AP3B2: variants seen among roughly 807,000 people sequenced by gnomAD.
AP3B2 encodes AP-3 complex subunit beta-2.
In AP3B2, 50 loss-of-function variants were observed where a neutral mutation model predicts 126.9. The observed-to-expected ratio is 0.39, with a 90% CI of 0.31 to 0.50. The LOEUF is 0.50. Ranked by LOEUF, AP3B2 falls within the 20% of genes least tolerant of loss-of-function variation. The probability of loss-of-function intolerance (pLI) is 0.79; values close to 1 mark genes in which losing one functional copy is unlikely to be tolerated. For missense variants in AP3B2, 1,177 were observed against 1,426.4 expected (o/e 0.83, Z 2.82); for synonymous variants, 541 against 565.0 (o/e 0.96, Z 0.60).
At chr15:82,686,267 T>G (rs2048424816) in intron 4 of AP3B2, 1 of 152,234 alleles carries the variant, frequency 6.6e-6, no homozygotes. Context: ...AGTCAGAGGT[T>G]TGATTCCATG....
Position 82,706,116 on chromosome 15 carries a change from G to A in AP3B2, c.113+3478C>T, listed in dbSNP as rs964759915. On this transcript the variant is annotated intron_variant, in intron 1 of 26. Coordinates refer to ENST00000535359, the MANE Select transcript of AP3B2 (RefSeq NM_001278512.2). ...CCTAGCCCTCATGTCTGCGTGCAGC[G>A]GCTGCCGCTGCTTTAATACTTTCAG... Among the ~76,000 whole-genome samples the A allele has an allele frequency of 3.3e-5, 5 of 152,292 alleles. 1 individual carries two copies. The highest frequency in any genetic ancestry group is 4.1e-4 in the South Asian group (2 of 4,826).
chr15:82,663,398 TG>T (rs1378037359), intron 21 of AP3B2, 161 bp downstream of exon 21: 6 of 1,002,596 alleles, frequency 6.0e-6, no homozygotes, highest in Non-Finnish European at 7.7e-6. Flanking sequence ...ACCCCAGACC[TG>T]GGGAGGTCAG....
intron 14 of AP3B2, among the ~76,000 whole-genome samples, chr15:82,667,645 C>T (rs1019514717): frequency 6.6e-6 from 1 of 152,246 alleles, no homozygotes; most frequent in Non-Finnish European, 1.5e-5. Flanking sequence ...ACAGCGGTAG[C>T]AGCCATCACT....
chr15:82,674,657 G>A (rs998242777), intron 14 of AP3B2, among the ~76,000 whole-genome samples: 10 of 152,346 alleles, frequency 6.6e-5, no homozygotes, highest in Admixed American at 1.3e-4. Flanking sequence ...TCCTCAGGAC[G>A]CAGCACAGTA....
intron 14 of AP3B2, among the ~76,000 whole-genome samples, chr15:82,673,792 A>T (rs2048197099): frequency 1.3e-5 from 2 of 152,184 alleles, no homozygotes; most frequent in Admixed American, 6.5e-5. Flanking sequence ...TATTAAAAAA[A>T]GTTTACGTTT....
Position 82,680,578 on chromosome 15 carries a change from T to G in AP3B2, c.949A>C (p.Ser317Arg), listed in dbSNP as rs928342774. 6.3e-7 allele frequency: 1 copy of G among 1,588,554 alleles called. No homozygotes were observed. Among genetic ancestry groups the G allele is most frequent in the African/African-American group, 1.3e-5 (1 of 74,538 alleles). ...RNTKPLLQSRSAAVVMAVAQL... is the reference protein window; with the variant it reads ...RNTKPLLQSRRAAVVMAVAQL... ...GCCACCGCCATCACCACCGCGGCGC[T>G]GCGGCTCTGCAGCAGGGGTTTGGTG... Residue 317 changes from serine (S) to arginine (R), a missense_variant, in exon 8 of 27, where the codon AGC (serine) becomes CGC (arginine). Coordinates refer to ENST00000535359, the MANE Select transcript of AP3B2 (RefSeq NM_001278512.2). This position sits in a 1 kb window ranked among gnomAD's most constrained non-coding sequence, Gnocchi z 6.1.
In AP3B2 at chr15:82,665,315, G is replaced by A; in HGVS notation, c.1972-12C>T. 1 of 1,575,278 alleles carries A rather than the reference G, an allele frequency of 6.3e-7. No individual in the cohort carries two copies. Among genetic ancestry groups the A allele is most frequent in the Non-Finnish European group, 8.6e-7 (1 of 1,168,280 alleles). On this transcript the variant is annotated splice_polypyrimidine_tract_variant and intron_variant, in intron 16 of 26. Coordinates refer to ENST00000535359, the MANE Select transcript of AP3B2 (RefSeq NM_001278512.2). This position sits in a 1 kb window ranked among gnomAD's most constrained non-coding sequence, Gnocchi z 4.4. ...GAGAGATCTTCTTCCTGTGTGTGTG[G>A]GGGAGGGTGTTAGGAGGGCTGGGCC...
chr15:82,683,754 C>A (rs529872551), intron 4 of AP3B2, among the ~76,000 whole-genome samples: 1 of 152,144 alleles, frequency 6.6e-6, no homozygotes, highest in Non-Finnish European at 1.5e-5. Flanking sequence ...TCTAGCCTTA[C>A]GAGATGTATT....
chr15:82,677,203 T>C lies in AP3B2; in HGVS notation c.1488+71A>G. The C allele has an allele frequency of 7.8e-6, 10 of 1,280,424 alleles. No individual in the cohort carries two copies. The East Asian group carries it at 1.4e-4, about 19-fold the overall frequency. 79.3% of individuals were successfully genotyped at this position (1,280,424 alleles called of 1,614,324 possible). ...AGTTACTTTTGATAAGGCTAGCATA[T>C]GTAATTATACAGTCTTGAAATCATG... On this transcript the variant is annotated intron_variant, in intron 13 of 26. Transcript: ENST00000535359.
At position 82,689,372 on chromosome 15, in the gene AP3B2, T is replaced by C. The variant is rs992337429; in HGVS notation, c.189+6A>G. ...CCGGAGGGAGGCCTCCTCCTTCCCC[T>C]CTTACCGCCACAATCCTCTTCATGG... On this transcript the variant is annotated splice_donor_region_variant and intron_variant, in intron 2 of 26. Coordinates refer to ENST00000535359, the MANE Select transcript of AP3B2 (RefSeq NM_001278512.2). The C allele has an allele frequency of 1.1e-5, 18 of 1,613,716 alleles. No individual in the cohort carries two copies. In the Admixed American group the frequency reaches 2.2e-4, roughly 19 times the overall value.
At chr15:82,682,075 T>C (rs2048349476) in intron 4 of AP3B2, among the ~76,000 whole-genome samples, 1 of 119,372 alleles carries the variant, frequency 8.4e-6, no homozygotes, top group East Asian at 2.8e-4. Flanking sequence ...TTTTTTGAGA[T>C]GGAGTCTCGC....
At chr15:82,682,678 G>A (rs2048360596) in intron 4 of AP3B2, among the ~76,000 whole-genome samples, 1 of 150,984 alleles carries the variant, frequency 6.6e-6, no homozygotes, top group South Asian at 2.1e-4. Context: ...ATATGTTCAT[G>A]CCACTGCACT....
chr15:82,683,711 A>G (rs540748400), intron 4 of AP3B2, among the ~76,000 whole-genome samples: 17 of 152,360 alleles, frequency 1.1e-4, no homozygotes, highest in African/African-American at 4.1e-4. Context: ...TACTTTGTCC[A>G]GATCCATGAG....
At chr15:82,660,018 T>C (rs2047911339) in intron 25 of AP3B2, 35 bp from the exon 26 acceptor site, 1 of 1,609,938 alleles carries the variant, frequency 6.2e-7, no homozygotes, top group Admixed American at 1.7e-5. Flanking sequence ...GCAGAGGCCA[T>C]GGTGGGTACA....
At chr15:82,663,425 A>T in intron 21 of AP3B2, 135 bp downstream of exon 21, 1 of 1,136,316 alleles carries the variant, frequency 8.8e-7, no homozygotes, top group South Asian at 1.3e-5. Context: ...CTGCCCTCTC[A>T]GGCCTGAAGA....
Position 82,664,557 on chromosome 15 carries a change from T to C in AP3B2, c.2138-67A>G. The C allele has an allele frequency of 6.4e-7, 1 of 1,553,016 alleles. No individual in the cohort carries two copies. On this transcript the variant is annotated intron_variant, in intron 18 of 26. Transcript: ENST00000535359. This position sits in a 1 kb window ranked among gnomAD's most constrained non-coding sequence, Gnocchi z 4.5. ...CCTCCTTGGGTCTGGAGCAGACACCTGGGTTCCACCTTCACATTCAGTACT... is the reference window on the plus strand; with the variant it reads ...CCTCCTTGGGTCTGGAGCAGACACCCGGGTTCCACCTTCACATTCAGTACT...
rs779224043 is a variant in AP3B2, at chr15:82,662,737, G to A, written c.2790C>T (p.Pro930=). The change falls in exon 23 of 27, where the codon CCC becomes CCT. Residue 930 remains proline (P), a synonymous_variant. Coordinates refer to ENST00000535359, the MANE Select transcript of AP3B2 (RefSeq NM_001278512.2). Reference sequence around the variant, plus strand: ...GGATGCTGATGCCAGCAGGCAGTTTGGGAGTGCCCACATGCAGGCCCTTGA... The same window carrying A: ...GGATGCTGATGCCAGCAGGCAGTTTAGGAGTGCCCACATGCAGGCCCTTGA... ...TPIKGLHVGT[P]KLPAGISIQE... The A allele has an allele frequency of 2.5e-6, 4 of 1,613,836 alleles. No individual in the cohort carries two copies. The highest frequency in any genetic ancestry group is 3.4e-6 in the Non-Finnish European group (4 of 1,179,832).
chr15:82,682,865 T>G (rs1429054588), intron 4 of AP3B2, among the ~76,000 whole-genome samples: 1 of 151,836 alleles, frequency 6.6e-6, no homozygotes, highest in African/African-American at 2.4e-5. Context: ...GGTAGGAGGA[T>G]TGCTTGAGCC....
chr15:82,666,625 G>A, intron 15 of AP3B2, 122 bp downstream of exon 15: 11 of 1,084,358 alleles, frequency 1.0e-5, no homozygotes, highest in South Asian at 1.7e-5. Context: ...AGTGAGCCAG[G>A]GAGCAGGACT....
Sources: gnomAD v4.1 joint callset for allele counts (sites outside exome capture counted in the v4.1 genomes callset) on GRCh38, gnomAD v4.1.1 for gene constraint, Gnocchi (gnomAD v3.1) non-coding constraint, MANE v1.5 for transcripts, NCBI Gene and HGNC (gene_info 2026-07-23, HGNC 2026-07-21) for gene names.